Variants in CREB5 observed in about 807,000 individuals in gnomAD.
CREB5 encodes cAMP responsive element binding protein 5.
In CREB5, 19 loss-of-function variants were observed where a neutral mutation model predicts 57.1. That is an observed-to-expected ratio of 0.33 (90% confidence interval 0.23 to 0.49). The LOEUF is 0.49. Ranked by LOEUF, CREB5 falls within the 20% of genes least tolerant of loss-of-function variation. CREB5 has a pLI of 0.99. For missense variants in CREB5, 579 were observed against 671.6 expected (o/e 0.86, Z 1.52); for synonymous variants, 238 against 238.3 (o/e 1.00, Z 0.01).
chr7:28,309,597 T>C (rs1279025765), intron 1 of CREB5, among the ~76,000 whole-genome samples: 3 of 152,222 alleles, frequency 2.0e-5, no homozygotes, highest in African/African-American at 7.2e-5. Flanking sequence ...ATTGCTGAGC[T>C]GCCTGAGTTG....
At chr7:28,420,242 C>A (rs1266932476) in intron 1 of CREB5, among the ~76,000 whole-genome samples, 1 of 151,986 alleles carries the variant, frequency 6.6e-6, no homozygotes, top group Non-Finnish European at 1.5e-5. Context: ...TCATTTTTAT[C>A]CTTTCCAGGA....
chr7:28,308,600 T>C (rs1785226254), intron 1 of CREB5, among the ~76,000 whole-genome samples: 1 of 152,174 alleles, frequency 6.6e-6, no homozygotes, highest in Non-Finnish European at 1.5e-5. Flanking sequence ...TGGTGGTGAA[T>C]GGCTTGCTCC....
chr7:28,339,351 A>G (rs1269038539), intron 1 of CREB5, among the ~76,000 whole-genome samples: 2 of 152,200 alleles, frequency 1.3e-5, no homozygotes, highest in Admixed American at 1.3e-4. Context: ...GGGGACACTC[A>G]AGCCCAGTAA....
At chr7:28,760,136 A>G (rs113453385) in intron 7 of CREB5, among the ~76,000 whole-genome samples, 65 of 152,354 alleles carry the variant, frequency 4.3e-4, no homozygotes, top group African/African-American at 1.4e-3. Flanking sequence ...TTCTCTATCA[A>G]CAGTTTTCTG....
intron 5 of CREB5, among the ~76,000 whole-genome samples, chr7:28,584,186 T>G (rs1796228986): frequency 2.0e-5 from 3 of 152,148 alleles, no homozygotes; most frequent in Non-Finnish European, 2.9e-5. Flanking sequence ...CCTTTACTTC[T>G]TCCTCCTTCA....
At chr7:28,357,116 C>A (rs1309640775) in intron 1 of CREB5, among the ~76,000 whole-genome samples, 1 of 152,128 alleles carries the variant, frequency 6.6e-6, no homozygotes, top group African/African-American at 2.4e-5. Context: ...TGGTGTGGGT[C>A]AAGAAACAAA....
chr7:28,678,848 G>A (rs373953832), intron 5 of CREB5, among the ~76,000 whole-genome samples: 20 of 152,232 alleles, frequency 1.3e-4, no homozygotes, highest in African/African-American at 4.1e-4. Flanking sequence ...AATTCTCCTT[G>A]CAGAAACCCT....
chr7:28,342,742 A>G (rs1213393445), intron 1 of CREB5, among the ~76,000 whole-genome samples: 1 of 152,164 alleles, frequency 6.6e-6, no homozygotes, highest in African/African-American at 2.4e-5. Flanking sequence ...GAAAAAAACC[A>G]TATCCCAATT....
intron 1 of CREB5, among the ~76,000 whole-genome samples, chr7:28,484,892 A>C (rs1477149056): frequency 6.6e-6 from 1 of 152,224 alleles, no homozygotes; most frequent in African/African-American, 2.4e-5. Flanking sequence ...CTCAATTAAG[A>C]CAGTAGAATC....
chr7:28,532,138 G>A (rs1793756959), intron 4 of CREB5, among the ~76,000 whole-genome samples: 1 of 152,212 alleles, frequency 6.6e-6, no homozygotes, highest in African/African-American at 2.4e-5. Context: ...GGAAGCCAGA[G>A]CCATGCTATG....
chr7:28,486,269 T>C (rs1353280057), intron 1 of CREB5, among the ~76,000 whole-genome samples: 1 of 152,150 alleles, frequency 6.6e-6, no homozygotes, highest in African/African-American at 2.4e-5. Context: ...AGTATATATA[T>C]ATTTTCCCGA....
intron 4 of CREB5, among the ~76,000 whole-genome samples, chr7:28,527,882 A>G (rs16874603): frequency 0.054 from 8,222 of 152,288 alleles, 262 homozygotes; most frequent in South Asian, 0.11. Flanking sequence ...TGAAGCCAGG[A>G]TCTTGTGGAA....
At chr7:28,425,222 A>G (rs1167910212) in intron 1 of CREB5, among the ~76,000 whole-genome samples, 1 of 152,232 alleles carries the variant, frequency 6.6e-6, no homozygotes, top group Non-Finnish European at 1.5e-5. Flanking sequence ...TGAGTAGATA[A>G]GCAAAATATG....
chr7:28,687,303 G>A (rs181574960), intron 5 of CREB5, among the ~76,000 whole-genome samples: 1 of 151,928 alleles, frequency 6.6e-6, no homozygotes, highest in South Asian at 2.1e-4. Flanking sequence ...GTGAGGGGGC[G>A]ATGATGAAGA....
intron 1 of CREB5, among the ~76,000 whole-genome samples, chr7:28,371,236 C>A (rs544121552): frequency 6.6e-6 from 1 of 151,558 alleles, no homozygotes; most frequent in African/African-American, 2.4e-5. Context: ...TTTGGGAGGC[C>A]GAGGTGGGAG....
chr7:28,778,113 A>G lies in CREB5; in HGVS notation c.703-26086A>G, dbSNP rs148036687. ...GGTGGGAAAGATGACACAGGCATAC[A>G]AAACCTGCCTAGCCTTCCCATGGAA... On this transcript the variant is annotated intron_variant, in intron 7 of 10. Coordinates refer to ENST00000357727, the MANE Select transcript of CREB5 (RefSeq NM_182898.4). Among the ~76,000 whole-genome samples, 365 of 152,372 alleles carry G rather than the reference A, an allele frequency of 2.4e-3. 5 individuals carry two copies. The highest frequency in any genetic ancestry group is 1.0e-3 in the Non-Finnish European group (68 of 68,040).
intron 7 of CREB5, among the ~76,000 whole-genome samples, chr7:28,793,827 A>G (rs1807869911): frequency 6.6e-6 from 1 of 152,236 alleles, no homozygotes; most frequent in African/African-American, 2.4e-5. Flanking sequence ...CTGTGCGTTG[A>G]AAAGGTGCCA....
chr7:28,357,398 C>T (rs1230813583), intron 1 of CREB5, among the ~76,000 whole-genome samples: 3 of 152,094 alleles, frequency 2.0e-5, no homozygotes, highest in Admixed American at 6.5e-5. Flanking sequence ...TGGACCTGCC[C>T]ATATAACTTG....
At chr7:28,347,281 A>G (rs965400810) in intron 1 of CREB5, among the ~76,000 whole-genome samples, 1 of 152,202 alleles carries the variant, frequency 6.6e-6, no homozygotes, top group African/African-American at 2.4e-5. Context: ...GCCATTTTAC[A>G]TTACAAAACC....
Sources: gnomAD v4.1 joint callset for allele counts (sites outside exome capture counted in the v4.1 genomes callset) on GRCh38, gnomAD v4.1.1 for gene constraint, MANE v1.5 for transcripts, NCBI Gene and HGNC (gene_info 2026-07-23, HGNC 2026-07-21) for gene names.